The following PARN variants were observed in gnomAD, a reference collection of about 807,000 sequenced individuals.
PARN encodes the protein poly(A)-specific ribonuclease PARN.
Under a neutral mutation model 102.8 loss-of-function variants are expected in PARN, and 71 were observed. The ratio of observed to expected loss-of-function variants is 0.69; its 90% confidence interval spans 0.57 to 0.84. The LOEUF is 0.84. PARN is among the 40% of genes least tolerant of loss of function. The pLI is 0.00. For synonymous variants in PARN, 261 were observed against 252.9 expected, an observed-to-expected ratio of 1.03 and a Z score of -0.30; for missense variants, 782 against 760.9, an observed-to-expected ratio of 1.03 and a Z score of -0.33.
At chr16:14,500,469 T>A (rs981170533) in intron 21 of PARN, among the ~76,000 whole-genome samples, 2 of 152,054 alleles carry the variant, frequency 1.3e-5, no homozygotes, top group Admixed American at 1.3e-4. Context: ...TTCACAGGTG[T>A]GACCATAGCT....
intron 18 of PARN, among the ~76,000 whole-genome samples, chr16:14,568,193 CTTTA>C (rs1241637619): frequency 2.6e-5 from 4 of 150,974 alleles, no homozygotes; most frequent in Non-Finnish European, 4.4e-5. Context: ...CTATGAAAAA[CTTTA>C]TTTTTTTTAT....
At chr16:14,516,572 T>C (rs138900001) in intron 21 of PARN, among the ~76,000 whole-genome samples, 103 of 152,338 alleles carry the variant, frequency 6.8e-4, no homozygotes, top group African/African-American at 2.2e-3. Context: ...GGAACATATT[T>C]AAGATTCTCA....
chr16:14,557,163 GACA>G (rs1270684226), intron 18 of PARN, among the ~76,000 whole-genome samples: 4 of 152,130 alleles, frequency 2.6e-5, no homozygotes, highest in Admixed American at 6.5e-5. Flanking sequence ...TTCTGGTAGA[GACA>G]ACATTATACA....
chr16:14,480,434 C>T (rs577339586), intron 22 of PARN, among the ~76,000 whole-genome samples: 1 of 152,284 alleles, frequency 6.6e-6, no homozygotes, highest in Non-Finnish European at 1.5e-5. Flanking sequence ...GCAAAAATAT[C>T]TGACAAAGGC....
intron 18 of PARN, among the ~76,000 whole-genome samples, chr16:14,562,569 G>T (rs988248942): frequency 6.6e-6 from 1 of 151,468 alleles, no homozygotes. Context: ...CCAAACTGTA[G>T]CATGCAACTA....
chr16:14,496,428 GA>G (rs1458196613), intron 21 of PARN, among the ~76,000 whole-genome samples: 4 of 150,420 alleles, frequency 2.7e-5, no homozygotes, highest in African/African-American at 4.9e-5. Context: ...ATTACTTAAA[GA>G]AAAAAAAAGA....
intron 12 of PARN, among the ~76,000 whole-genome samples, chr16:14,596,381 T>G (rs1970512831): frequency 6.6e-6 from 1 of 151,794 alleles, no homozygotes; most frequent in Admixed American, 6.6e-5. Flanking sequence ...GTATTATTAT[T>G]AATACTAATA....
intron 21 of PARN, among the ~76,000 whole-genome samples, chr16:14,520,235 T>C (rs1965666245): frequency 6.6e-6 from 1 of 152,168 alleles, no homozygotes; most frequent in African/African-American, 2.4e-5. Context: ...GACACACTGA[T>C]AGATTAAGAG....
chr16:14,500,783 C>T (rs1567326023), intron 21 of PARN, among the ~76,000 whole-genome samples: 1 of 152,108 alleles, frequency 6.6e-6, no homozygotes, highest in South Asian at 2.1e-4. Flanking sequence ...TCATGGAACC[C>T]AGCTATAAAG....
At chr16:14,554,235 G>C in intron 19 of PARN, 84 bp from the exon 20 acceptor site, 1 of 879,754 alleles carries the variant, frequency 1.1e-6, no homozygotes, top group Non-Finnish European at 1.8e-6. Flanking sequence ...CTAAGTCTGA[G>C]CTAATTTGGA....
intron 21 of PARN, among the ~76,000 whole-genome samples, chr16:14,505,697 T>C (rs765990247): frequency 5.3e-5 from 8 of 152,112 alleles, no homozygotes; most frequent in Non-Finnish European, 8.8e-5. Flanking sequence ...TAAATAATAA[T>C]CATGATGTAG....
chr16:14,599,849 A>T, intron 12 of PARN, 55 bp downstream of exon 12: 1 of 1,015,486 alleles, frequency 9.8e-7, no homozygotes, highest in Non-Finnish European at 1.5e-6. Context: ...ATAATTAGAT[A>T]CTTCACCTGA....
intron 15 of PARN, 35 bp from the exon 16 acceptor site, chr16:14,584,457 A>C (rs763752972): frequency 2.0e-5 from 30 of 1,524,114 alleles, no homozygotes; most frequent in Non-Finnish European, 2.3e-5. Context: ...ATGAGATTTC[A>C]TCATCTCAGA....
At chr16:14,569,984 T>C (rs750142047) in intron 18 of PARN, among the ~76,000 whole-genome samples, 1 of 152,370 alleles carries the variant, frequency 6.6e-6, no homozygotes, top group East Asian at 1.9e-4. Context: ...CACTGAACTA[T>C]ACACTTTAAA....
At chr16:14,537,121 T>C (rs529865899) in intron 21 of PARN, among the ~76,000 whole-genome samples, 2 of 152,110 alleles carry the variant, frequency 1.3e-5, no homozygotes, top group Non-Finnish European at 2.9e-5. Context: ...AATTAAAAAG[T>C]AGGCAAAGAA....
intron 22 of PARN, among the ~76,000 whole-genome samples, chr16:14,452,634 C>G (rs1293216640): frequency 1.3e-5 from 2 of 152,174 alleles, no homozygotes; most frequent in African/African-American, 2.4e-5. Context: ...ACCGCACCCA[C>G]CCTACAGCAT....
At chr16:14,518,209 A>G (rs200382406) in intron 21 of PARN, among the ~76,000 whole-genome samples, 3 of 148,968 alleles carry the variant, frequency 2.0e-5, no homozygotes, top group East Asian at 2.0e-4. Context: ...AGACTACTTC[A>G]TATACCCAGG....
chr16:14,553,015 CT>C (rs1967416408), intron 20 of PARN, among the ~76,000 whole-genome samples: 1 of 151,706 alleles, frequency 6.6e-6, no homozygotes, highest in Admixed American at 6.6e-5. Context: ...AACGTTCGTT[CT>C]GACTTATTTT....
intron 21 of PARN, among the ~76,000 whole-genome samples, chr16:14,511,760 GCACGATCTT>G: frequency 1.3e-5 from 2 of 152,146 alleles, no homozygotes; most frequent in Non-Finnish European, 2.9e-5. Context: ...GAGTAGAGTG[GCACGATCTT>G]CACTTACTGC....
Sources: allele counts gnomAD v4.1 joint callset (sites outside exome capture counted in the v4.1 genomes callset), GRCh38; gene constraint gnomAD v4.1.1; transcripts MANE v1.5; gene names NCBI Gene and HGNC (gene_info 2026-07-23, HGNC 2026-07-21).